ACYP2: variants seen among roughly 807,000 people sequenced by gnomAD.
The protein encoded by ACYP2 is acylphosphatase-2.
Under a neutral mutation model 11.2 loss-of-function variants are expected in ACYP2, and 12 were observed. The ratio of observed to expected loss-of-function variants is 1.08; its 90% CI spans 0.69 to 1.74. ACYP2 has a LOEUF of 1.74. Among genes scored for constraint, ACYP2 ranks in the 40% most tolerant of loss-of-function variants. ACYP2 has a pLI of 0.00. For missense variants in ACYP2, 134 were observed against 101.9 expected, an observed-to-expected ratio of 1.31 and a Z score of -1.35; for synonymous variants, 43 against 32.2, an observed-to-expected ratio of 1.33 and a Z score of -1.13.
chr2:54,256,633 T>C (rs1031800883), intron 6 of ACYP2, among the ~76,000 whole-genome samples: 8 of 152,170 alleles, frequency 5.3e-5, no homozygotes, highest in Non-Finnish European at 1.0e-4. Context: ...AAATATTTCC[T>C]CCCACTCTGT....
Position 54,304,040 on chromosome 2 carries a change from G to T in ACYP2, c.405-648G>T, listed in dbSNP as rs1310079193. Among the ~76,000 whole-genome samples, 8 of 152,222 alleles carry T rather than the reference G, an allele frequency of 5.3e-5. No individual in the cohort carries two copies. The East Asian group carries it at 1.5e-3, about 29-fold the overall frequency. Reference sequence around the variant, plus strand: ...TAAGATAAACCATTGCACTAAATAAGAAGAAAAATATTTCAGAGCATTCAA... The same window carrying T: ...TAAGATAAACCATTGCACTAAATAATAAGAAAAATATTTCAGAGCATTCAA... On this transcript the variant is annotated intron_variant, in intron 6 of 6. Transcript: ENST00000607452.
intron 5 of ACYP2, among the ~76,000 whole-genome samples, chr2:54,137,067 T>TA (rs1681289441): frequency 6.6e-6 from 1 of 152,160 alleles, no homozygotes; most frequent in Non-Finnish European, 1.5e-5. Context: ...TGTTGCTACT[T>TA]ACATAGCATA....
intron 2 of ACYP2, among the ~76,000 whole-genome samples, chr2:54,009,920 A>G (rs1204929768): frequency 2.0e-5 from 3 of 152,122 alleles, no homozygotes; most frequent in Non-Finnish European, 4.4e-5. Context: ...GTCCCTGGCC[A>G]CTCAGCTAGT....
At chr2:54,115,897 C>A in intron 4 of ACYP2, 141 bp downstream of exon 1, 1 of 1,138,286 alleles carries the variant, frequency 8.8e-7, no homozygotes, top group Non-Finnish European at 1.2e-6. Context: ...GCAGCGGCGG[C>A]GGGGAGGGAG....
chr2:54,290,182 C>T (rs1035212463), intron 6 of ACYP2, among the ~76,000 whole-genome samples: 1 of 152,024 alleles, frequency 6.6e-6, no homozygotes, highest in African/African-American at 2.4e-5. Context: ...CGGCTGCCGC[C>T]GCCCCGCGAT....
At chr2:54,202,339 T>G (rs927661755) in intron 6 of ACYP2, among the ~76,000 whole-genome samples, 1 of 150,754 alleles carries the variant, frequency 6.6e-6, no homozygotes, top group African/African-American at 2.4e-5. Flanking sequence ...ACTCCTGATC[T>G]CAGGTGATCT....
At chr2:54,056,821 A>C (rs917749821) in intron 3 of ACYP2, among the ~76,000 whole-genome samples, 1 of 152,220 alleles carries the variant, frequency 6.6e-6, no homozygotes, top group Non-Finnish European at 1.5e-5. Context: ...TATTAAGAAT[A>C]TAATGAATTT....
At chr2:54,100,501 G>T (rs1315295390) in intron 4 of ACYP2, among the ~76,000 whole-genome samples, 5 of 151,404 alleles carry the variant, frequency 3.3e-5, no homozygotes, top group Admixed American at 3.3e-4. Flanking sequence ...TAGAGATATG[G>T]TCTCCCTCTG....
intron 6 of ACYP2, among the ~76,000 whole-genome samples, chr2:54,189,596 T>C (rs77322896): frequency 6.7e-6 from 1 of 150,298 alleles, no homozygotes; most frequent in East Asian, 2.0e-4. Flanking sequence ...GTGTTTTTTT[T>C]CCATCCTTCT....
intron 2 of ACYP2, among the ~76,000 whole-genome samples, chr2:54,031,778 C>T (rs1402628297): frequency 6.6e-6 from 1 of 152,190 alleles, no homozygotes; most frequent in African/African-American, 2.4e-5. Flanking sequence ...CACATCCTCT[C>T]CAGCACCTGT....
chr2:54,045,087 A>G (rs1176930666), intron 2 of ACYP2, among the ~76,000 whole-genome samples: 2 of 152,180 alleles, frequency 1.3e-5, no homozygotes, highest in Non-Finnish European at 2.9e-5. Flanking sequence ...TCCATTTGAG[A>G]TATTCCTTCA....
At position 54,022,617 on chromosome 2, in the gene ACYP2, C is replaced by T. The variant is rs188540995; in HGVS notation, c.63-28341C>T. 5.0e-3 allele frequency among the ~76,000 whole-genome samples: 754 copies of T among 152,224 alleles called. 2 individuals are homozygous for T. Among genetic ancestry groups the T allele is most frequent in the Middle Eastern group, 0.01 (3 of 294 alleles). The stretch of plus-strand genomic sequence containing the variant: ...GTGGTCTTGAATTTCTGACCTCAAG[C>T]AACCCTCCCACCTCAGCCTCACAAA... On this transcript the variant is annotated intron_variant, in intron 2 of 6. Coordinates refer to ENST00000607452, the MANE Select transcript of ACYP2 (RefSeq NM_001320586.2).
Position 54,174,431 on chromosome 2 carries a change from C to T in ACYP2, c.404+35683C>T, listed in dbSNP as rs1385061108. Among the ~76,000 whole-genome samples, 7 of 152,084 alleles carry T rather than the reference C, an allele frequency of 4.6e-5. No individual in the cohort carries two copies. In the South Asian group the frequency reaches 8.3e-4, roughly 18 times the overall value. On this transcript the variant is annotated intron_variant, in intron 6 of 6. Transcript: ENST00000607452. ...AGCTTAAGGAGATTTTGGGCTGAGA[C>T]GATGGGGTTTTCTAAATATATAATC...
chr2:54,208,878 C>T (rs1685208174), intron 6 of ACYP2, among the ~76,000 whole-genome samples: 1 of 151,614 alleles, frequency 6.6e-6, no homozygotes. Context: ...TGTGTGTGTG[C>T]ATATATGTTC....
chr2:54,039,755 ATCT>A (rs770127890), intron 2 of ACYP2, among the ~76,000 whole-genome samples: 99 of 149,110 alleles, frequency 6.6e-4, no homozygotes, highest in African/African-American at 2.0e-3. Flanking sequence ...CAGAAGAGTG[ATCT>A]TCTTGAATTT....
At chr2:54,228,039 GA>G (rs1380068644) in intron 6 of ACYP2, among the ~76,000 whole-genome samples, 1 of 152,230 alleles carries the variant, frequency 6.6e-6, no homozygotes, top group Non-Finnish European at 1.5e-5. Context: ...AGAGAAGTAT[GA>G]ACAGGTTCAG....
intron 6 of ACYP2, among the ~76,000 whole-genome samples, chr2:54,201,145 G>T (rs1336630248): frequency 3.4e-5 from 5 of 146,806 alleles, no homozygotes; most frequent in African/African-American, 1.0e-4. Flanking sequence ...TCGCTCTGTC[G>T]CCCAGGCTGG....
chr2:54,105,717 C>G (rs1408884494), intron 4 of ACYP2, among the ~76,000 whole-genome samples: 1 of 151,920 alleles, frequency 6.6e-6, no homozygotes, highest in Admixed American at 6.6e-5. Context: ...TGGTCTCTAA[C>G]TCCTGGGCTC....
chr2:54,054,763 T>C (rs1323701651), intron 3 of ACYP2, among the ~76,000 whole-genome samples: 1 of 152,226 alleles, frequency 6.6e-6, no homozygotes, highest in African/African-American at 2.4e-5. Flanking sequence ...AAGGAACATA[T>C]AACTCATCTG....
Sources: allele counts gnomAD v4.1 joint callset (sites outside exome capture counted in the v4.1 genomes callset), GRCh38; gene constraint gnomAD v4.1.1; transcripts MANE v1.5; gene names NCBI Gene and HGNC (gene_info 2026-07-23, HGNC 2026-07-21).